Variants in FAM167A observed in about 807,000 individuals in gnomAD.
FAM167A encodes family with sequence similarity 167 member A.
Under a neutral mutation model 14.9 loss-of-function variants are expected in FAM167A, and 23 were observed. That is an observed-to-expected ratio of 1.55 (90% CI 1.11 to 2.19). The LOEUF is 2.19. FAM167A is among the 30% of genes most tolerant of loss of function. The pLI, the probability that FAM167A is intolerant of heterozygous loss-of-function variation, is 0.00. For synonymous variants in FAM167A, 174 were observed against 117.7 expected, an observed-to-expected ratio of 1.48 and a Z score of -3.10; for missense variants, 401 against 281.5, an observed-to-expected ratio of 1.42 and a Z score of -3.04.
At position 11,463,341 on chromosome 8, in the gene FAM167A, G is replaced by C. The variant is rs146931905; in HGVS notation, c.-398+3285C>G. ...TGGAGCTGATCACAAGACTAGGGAG[G>C]TAGTGTCACTTTCAACTTGATGGTG... is the stretch of plus-strand genomic sequence containing the variant. On this transcript the variant is annotated intron_variant, in intron 1 of 2. Transcript: ENST00000284486. 5.4e-3 allele frequency among the ~76,000 whole-genome samples: 823 copies of C among 152,334 alleles called. 13 individuals are homozygous for C. The highest frequency in any genetic ancestry group is 0.019 in the African/African-American group (786 of 41,570).
chr8:11,425,365 C>A (rs772584077), intron 2 of FAM167A, among the ~76,000 whole-genome samples: 3 of 152,144 alleles, frequency 2.0e-5, no homozygotes, highest in Non-Finnish European at 4.4e-5. Flanking sequence ...CATCCACAGC[C>A]GAGCTGGGAT....
At chr8:11,452,960 T>C (rs755397143) in intron 1 of FAM167A, among the ~76,000 whole-genome samples, 2 of 152,192 alleles carry the variant, frequency 1.3e-5, no homozygotes, top group Non-Finnish European at 2.9e-5. Flanking sequence ...AACACAGATC[T>C]GCTGCAGGAA....
intron 2 of FAM167A, among the ~76,000 whole-genome samples, chr8:11,425,715 T>A (rs1805089844): frequency 6.6e-6 from 1 of 152,090 alleles, no homozygotes; most frequent in Non-Finnish European, 1.5e-5. Flanking sequence ...GGCATTAACA[T>A]TGAAATAGAG....
upstream of FAM167A, among the ~76,000 whole-genome samples, chr8:11,469,666 A>C (rs1459875862): frequency 6.6e-6 from 1 of 152,038 alleles, no homozygotes; most frequent in African/African-American, 2.4e-5. Flanking sequence ...CAGGAATTGG[A>C]GACCAGCCTG....
At chr8:11,434,506 G>T (rs1311770609) in intron 2 of FAM167A, among the ~76,000 whole-genome samples, 1 of 152,182 alleles carries the variant, frequency 6.6e-6, no homozygotes, top group Non-Finnish European at 1.5e-5. Flanking sequence ...CTGGGAGGGA[G>T]AGACGACAGC....
intron 1 of FAM167A, chr8:11,446,479 T>TA (rs1297883484): frequency 3.3e-5 from 5 of 151,936 alleles, no homozygotes; most frequent in African/African-American, 1.2e-4. Context: ...AGATGGGACT[T>TA]AGACAGCAGT....
intron 2 of FAM167A, among the ~76,000 whole-genome samples, chr8:11,439,108 G>A (rs1291544022): frequency 2.6e-5 from 4 of 152,210 alleles, no homozygotes; most frequent in Non-Finnish European, 5.9e-5. Flanking sequence ...TGTCTGTGTC[G>A]TGGCTTAGCC....
At chr8:11,455,627 G>T (rs1223349500) in intron 1 of FAM167A, among the ~76,000 whole-genome samples, 5 of 117,328 alleles carry the variant, frequency 4.3e-5, no homozygotes, top group Non-Finnish European at 6.9e-5. Flanking sequence ...CAGGGTGGTT[G>T]CTCTGCTGGG....
At chr8:11,447,686 C>T (rs942580048) in intron 1 of FAM167A, among the ~76,000 whole-genome samples, 1 of 152,228 alleles carries the variant, frequency 6.6e-6, no homozygotes, top group African/African-American at 2.4e-5. Context: ...GACCTGGGCA[C>T]AGTCATTTGA....
At chr8:11,445,396 C>T in intron 1 of FAM167A, 3 of 985,734 alleles carry the variant, frequency 3.0e-6, no homozygotes, top group Non-Finnish European at 3.6e-6. Context: ...CTCCTAGCTT[C>T]TTCCTCCAAG....
chr8:11,426,003 C>T (rs552729665), intron 2 of FAM167A, among the ~76,000 whole-genome samples: 2 of 152,244 alleles, frequency 1.3e-5, no homozygotes, highest in African/African-American at 4.8e-5. Context: ...AATTTAAGGT[C>T]TGAAAAGAGA....
chr8:11,456,967 G>A (rs1189693370), intron 1 of FAM167A, among the ~76,000 whole-genome samples: 1 of 38,218 alleles, frequency 2.6e-5, no homozygotes, highest in Non-Finnish European at 6.4e-5. Flanking sequence ...GGAAGTGGGC[G>A]GGGCTGGGTT....
At chr8:11,455,141 T>C (rs907834868) in intron 1 of FAM167A, among the ~76,000 whole-genome samples, 1 of 146,542 alleles carries the variant, frequency 6.8e-6, no homozygotes, top group Non-Finnish European at 1.5e-5. Flanking sequence ...TGTGTGTGCG[T>C]GTGTGTGTGT....
intron 1 of FAM167A, among the ~76,000 whole-genome samples, chr8:11,452,436 G>A (rs947522335): frequency 3.3e-5 from 5 of 152,218 alleles, no homozygotes; most frequent in African/African-American, 1.2e-4. Context: ...TCTTTTGGGA[G>A]TGGTGCCTCT....
chr8:11,445,465 G>T, intron 1 of FAM167A: 1 of 985,876 alleles, frequency 1.0e-6, no homozygotes, highest in Non-Finnish European at 1.2e-6. Context: ...AGCTGTGGAG[G>T]GAAGAAGGCG....
intron 2 of FAM167A, chr8:11,434,715 T>C (rs914454159): frequency 1.2e-5 from 3 of 242,768 alleles, no homozygotes; most frequent in African/African-American, 2.3e-5. Flanking sequence ...GATCTGCCAC[T>C]AGGGGCTCTG....
intron 1 of FAM167A, among the ~76,000 whole-genome samples, chr8:11,465,950 A>C (rs974423303): frequency 1.3e-5 from 2 of 152,188 alleles, no homozygotes; most frequent in African/African-American, 2.4e-5. Flanking sequence ...GCCGGGAATA[A>C]AAACCAGGCA....
intron 1 of FAM167A, among the ~76,000 whole-genome samples, chr8:11,474,874 T>G: frequency 6.9e-6 from 1 of 145,588 alleles, no homozygotes; most frequent in Non-Finnish European, 1.5e-5. Flanking sequence ...AGAAGAAGAA[T>G]CACAATAACA....
intron 1 of FAM167A, among the ~76,000 whole-genome samples, chr8:11,454,236 C>A (rs997331331): frequency 1.3e-5 from 2 of 152,174 alleles, no homozygotes; most frequent in Admixed American, 6.5e-5. Context: ...AGAGCGGAGG[C>A]CCACGTGTGT....
Sources: allele counts gnomAD v4.1 joint callset (sites outside exome capture counted in the v4.1 genomes callset), GRCh38; gene constraint gnomAD v4.1.1; transcripts MANE v1.5; gene names NCBI Gene and HGNC (gene_info 2026-07-23, HGNC 2026-07-21).